DOK6: variants seen among roughly 807,000 people sequenced by gnomAD.
The protein encoded by DOK6 is downstream of tyrosine kinase 6.
DOK6 carries 22 observed loss-of-function variants against 44.0 expected under a neutral mutation model. That is an observed-to-expected ratio of 0.50 (90% CI 0.36 to 0.71). The LOEUF is 0.71. DOK6 is among the 30% of genes least tolerant of loss of function. DOK6 has a pLI of 0.00. For synonymous variants in DOK6, 166 were observed against 145.5 expected (o/e 1.14, Z -1.01); for missense variants, 340 against 416.4 (o/e 0.82, Z 1.60).
At chr18:69,662,171 G>A (rs1985545355) in intron 3 of DOK6, 1 of 152,190 alleles carries the variant, frequency 6.6e-6, no homozygotes, top group Admixed American at 6.5e-5. Flanking sequence ...GTAGAGATGG[G>A]GTTTCGCCAT....
At chr18:69,759,031 A>C (rs1979453834) in intron 7 of DOK6, among the ~76,000 whole-genome samples, 1 of 152,218 alleles carries the variant, frequency 6.6e-6, no homozygotes. Flanking sequence ...CAATTACTGA[A>C]GGCAATTACA....
At chr18:69,651,891 A>G (rs937300948) in intron 3 of DOK6, among the ~76,000 whole-genome samples, 6 of 152,168 alleles carry the variant, frequency 3.9e-5, no homozygotes, top group African/African-American at 1.4e-4. Flanking sequence ...ATTTTAAGTC[A>G]TTTGATTATT....
chr18:69,692,616 T>C (rs987257314), intron 4 of DOK6, among the ~76,000 whole-genome samples: 4 of 152,246 alleles, frequency 2.6e-5, no homozygotes, highest in South Asian at 2.1e-4. Flanking sequence ...CTTTATGGAA[T>C]CACTCGTTAA....
chr18:69,544,148 T>C lies in DOK6; in HGVS notation c.67-20339T>C, dbSNP rs1982339966. Among the ~76,000 whole-genome samples the C allele has an allele frequency of 2.0e-5, 3 of 149,040 alleles. No homozygotes were observed. The South Asian group carries it at 6.4e-4, about 32-fold the overall frequency. ...TGGCGTGCATCTGTAATCACAGCTA[T>C]GTGGGAGGCTGAGGCAGGAGAATCA... On this transcript the variant is annotated intron_variant, in intron 1 of 7. Coordinates refer to ENST00000382713, the MANE Select transcript of DOK6 (RefSeq NM_152721.6).
intron 1 of DOK6, among the ~76,000 whole-genome samples, chr18:69,484,340 T>A (rs2144533614): frequency 6.6e-6 from 1 of 152,314 alleles, no homozygotes; most frequent in East Asian, 1.9e-4. Context: ...TGTTTCAGCT[T>A]CGTATGCCTG....
intron 7 of DOK6, among the ~76,000 whole-genome samples, chr18:69,762,664 A>T (rs1313237646): frequency 1.3e-5 from 2 of 152,228 alleles, no homozygotes; most frequent in African/African-American, 4.8e-5. Flanking sequence ...AGTTTAAGAG[A>T]TTAAGATTCA....
chr18:69,489,989 A>G (rs1980689123), intron 1 of DOK6, among the ~76,000 whole-genome samples: 1 of 152,052 alleles, frequency 6.6e-6, no homozygotes, highest in African/African-American at 2.4e-5. Context: ...TGCCGTATTC[A>G]CTGCAACATT....
intron 1 of DOK6, among the ~76,000 whole-genome samples, chr18:69,552,668 T>G (rs1354280255): frequency 6.6e-6 from 1 of 152,264 alleles, no homozygotes; most frequent in African/African-American, 2.4e-5. Flanking sequence ...CTGCATGTTA[T>G]TCAGTTATTT....
At chr18:69,513,754 A>G (rs921123399) in intron 1 of DOK6, among the ~76,000 whole-genome samples, 5 of 152,220 alleles carry the variant, frequency 3.3e-5, no homozygotes, top group Non-Finnish European at 7.3e-5. Context: ...ATTGCTTAGC[A>G]GTGAATCAAT....
intron 7 of DOK6, among the ~76,000 whole-genome samples, chr18:69,774,123 A>G (rs553452793): frequency 9.2e-6 from 1 of 108,358 alleles, no homozygotes; most frequent in African/African-American, 3.4e-5. Context: ...TTATATAGAT[A>G]TATATATGAG....
intron 4 of DOK6, among the ~76,000 whole-genome samples, chr18:69,684,772 A>G (rs17081513): frequency 0.031 from 4,689 of 152,296 alleles, 126 homozygotes; most frequent in African/African-American, 0.069. Context: ...CAAGTAGCAG[A>G]CAATGTTATT....
At chr18:69,581,774 AT>A (rs566369509) in intron 2 of DOK6, among the ~76,000 whole-genome samples, 1 of 152,344 alleles carries the variant, frequency 6.6e-6, no homozygotes, top group South Asian at 2.1e-4. Context: ...GGCAAATGAG[AT>A]ATAAATTAAA....
At chr18:69,701,968 CAG>C (rs1315840726) in intron 5 of DOK6, among the ~76,000 whole-genome samples, 3 of 151,876 alleles carry the variant, frequency 2.0e-5, no homozygotes, top group Non-Finnish European at 4.4e-5. Flanking sequence ...AAAGATAAAA[CAG>C]AAAGTTCTTA....
intron 6 of DOK6, among the ~76,000 whole-genome samples, chr18:69,742,504 A>G (rs757456765): frequency 7.9e-5 from 12 of 152,222 alleles, no homozygotes; most frequent in Non-Finnish European, 1.6e-4. Flanking sequence ...TGGACAAAAG[A>G]ACCACTAAAT....
chr18:69,828,869 G>A (rs117463055), intron 7 of DOK6, among the ~76,000 whole-genome samples: 4,002 of 44,868 alleles, frequency 0.089, 149 homozygotes, highest in Non-Finnish European at 0.18. Context: ...ATTATTAATA[G>A]CAATACATTT....
At chr18:69,748,218 A>G (rs1979052889) in intron 6 of DOK6, among the ~76,000 whole-genome samples, 1 of 152,316 alleles carries the variant, frequency 6.6e-6, no homozygotes, top group South Asian at 2.1e-4. Context: ...TACGCACCCA[A>G]TACAGGGCAC....
intron 3 of DOK6, among the ~76,000 whole-genome samples, chr18:69,605,168 G>T (rs147911784): frequency 9.9e-4 from 148 of 149,542 alleles, no homozygotes; most frequent in African/African-American, 3.4e-3. Flanking sequence ...CAGCATTCAA[G>T]AAGTATTGGT....
intron 3 of DOK6, among the ~76,000 whole-genome samples, chr18:69,669,135 T>G (rs1377926187): frequency 6.6e-6 from 1 of 152,180 alleles, no homozygotes; most frequent in African/African-American, 2.4e-5. Flanking sequence ...CAACTTTTAT[T>G]TTAGGTTCAG....
At chr18:69,653,381 GA>G (rs1169340664) in intron 3 of DOK6, among the ~76,000 whole-genome samples, 3 of 152,032 alleles carry the variant, frequency 2.0e-5, no homozygotes, top group Non-Finnish European at 4.4e-5. Flanking sequence ...AGGTCCCGGA[GA>G]AAAGGAAACA....
Sources: gnomAD v4.1 joint callset for allele counts (sites outside exome capture counted in the v4.1 genomes callset) on GRCh38, gnomAD v4.1.1 for gene constraint, MANE v1.5 for transcripts, NCBI Gene and HGNC (gene_info 2026-07-23, HGNC 2026-07-21) for gene names.